MDM2: variants seen among roughly 807,000 people sequenced by gnomAD.
The protein encoded by MDM2 is MDM2 proto-oncogene.
MDM2 carries 11 observed loss-of-function variants against 64.3 expected under a neutral mutation model. The observed-to-expected ratio is 0.17, with a 90% CI of 0.11 to 0.28. The LOEUF (loss-of-function observed/expected upper bound fraction) is 0.28, where lower values mean the gene tolerates loss of function less well. MDM2 is among the 10% of genes least tolerant of loss of function. The pLI, the probability that MDM2 is intolerant of heterozygous loss-of-function variation, is 1.00. For synonymous variants in MDM2, 194 were observed against 192.9 expected, an observed-to-expected ratio of 1.01 and a Z score of -0.05; for missense variants, 388 against 577.1, an observed-to-expected ratio of 0.67 and a Z score of 3.36.
At position 68,845,212 on chromosome 12, in the gene MDM2, A is replaced by G. The variant is rs1884184102; in HGVS notation, c.*5363A>G. On this transcript the variant is annotated 3_prime_UTR_variant, in exon 11 of 11. Transcript: ENST00000258149. ...ATTTTGATTTGATACTTATAAAAAG[A>G]AAAAGTATTTCTTCAGCTTAAAAAA... 1 of 193,094 alleles carries G rather than the reference A, an allele frequency of 5.2e-6. No individual in the cohort carries two copies. The highest frequency in any genetic ancestry group is 9.5e-6 in the Non-Finnish European group (1 of 104,768). 12.0% of individuals were successfully genotyped at this position (193,094 alleles called of 1,614,324 possible).
In MDM2 at chr12:68,808,381, A is replaced by T; in HGVS notation, c.-97A>T. On this transcript the variant is annotated 5_prime_UTR_variant, in exon 1 of 11. It removes an upstream start codon present in the reference 5' UTR. Transcript: ENST00000258149. ...CCAGTGCCCTGGCCCGGAGAGTGGA[A>T]TGATCCCCGAGGCCCAGGGCGTCGT... is the stretch of plus-strand genomic sequence containing the variant. 6.5e-7 allele frequency: 1 copy of T among 1,527,316 alleles called. No individual in the cohort carries two copies. Among genetic ancestry groups the T allele is most frequent in the Non-Finnish European group, 9.1e-7 (1 of 1,104,314 alleles). 94.6% of individuals were successfully genotyped at this position (1,527,316 alleles called of 1,614,324 possible). A position where few individuals can be genotyped will look rare whatever the true frequency, so the allele number is the denominator to read the frequency against.
At chr12:68,830,638 T>A (rs1882719147) in intron 8 of MDM2, among the ~76,000 whole-genome samples, 1 of 152,136 alleles carries the variant, frequency 6.6e-6, no homozygotes, top group Non-Finnish European at 1.5e-5. Flanking sequence ...GTGATAAAAT[T>A]GAATCCAATT....
At chr12:68,817,762 A>T (rs1387523009) in intron 4 of MDM2, among the ~76,000 whole-genome samples, 4 of 151,672 alleles carry the variant, frequency 2.6e-5, no homozygotes, top group Non-Finnish European at 5.9e-5. Flanking sequence ...TGAAAAAAAA[A>T]TTTTTTTAAT....
intron 4 of MDM2, among the ~76,000 whole-genome samples, chr12:68,819,565 C>T (rs1397385321): frequency 6.6e-6 from 1 of 152,184 alleles, no homozygotes; most frequent in East Asian, 1.9e-4. Flanking sequence ...GATCTTGGCT[C>T]ACCGCAACCT....
chr12:68,811,671 C>G (rs920378398), intron 2 of MDM2, among the ~76,000 whole-genome samples: 1 of 134,838 alleles, frequency 7.4e-6, no homozygotes, highest in Non-Finnish European at 1.5e-5. Context: ...GTGGCATGAT[C>G]TCGGCTCACT....
intron 10 of MDM2, among the ~76,000 whole-genome samples, chr12:68,837,477 A>G (rs1883405204): frequency 6.6e-6 from 1 of 151,544 alleles, no homozygotes; most frequent in Non-Finnish European, 1.5e-5. Context: ...CTCCCACCTC[A>G]GCCTCCTGAG....
intron 1 of MDM2, chr12:68,808,993 A>T (rs1051603150): frequency 5.5e-6 from 8 of 1,444,416 alleles, no homozygotes; most frequent in Non-Finnish European, 7.2e-6. Flanking sequence ...AGCTGGGGCT[A>T]TTTAAACCAT....
At chr12:68,849,020 G>A (rs1884516430), downstream of MDM2, 1 of 150,662 alleles carries the variant, frequency 6.6e-6, no homozygotes, top group Non-Finnish European at 1.5e-5. Flanking sequence ...CCAAAGTTAA[G>A]CATTTTTTAA....
At chr12:68,848,752 A>AC (rs1263052397), downstream of MDM2, 7 of 151,558 alleles carry the variant, frequency 4.6e-5, no homozygotes, top group Non-Finnish European at 8.8e-5. Context: ...TCGTTCTGTC[A>AC]CCCAGGCTGG....
intron 8 of MDM2, 113 bp downstream of exon 8, chr12:68,829,044 A>G (rs1257698408): frequency 9.5e-7 from 1 of 1,055,592 alleles, no homozygotes; most frequent in African/African-American, 1.6e-5. Context: ...TTGATAGAAA[A>G]CACAGTGCTA....
At chr12:68,830,089 C>A (rs369796846) in intron 8 of MDM2, among the ~76,000 whole-genome samples, 1 of 151,404 alleles carries the variant, frequency 6.6e-6, no homozygotes, top group East Asian at 1.9e-4. Flanking sequence ...TTTTTCTGCT[C>A]ATCAGCTATT....
intron 7 of MDM2, 65 bp from the exon 8 acceptor site, chr12:68,828,706 A>G (rs1459183491): frequency 6.9e-7 from 1 of 1,440,076 alleles, no homozygotes; most frequent in East Asian, 2.3e-5. Flanking sequence ...ACAAATAGGT[A>G]CTCAAAACAG....
At chr12:68,837,427 A>G (rs931987940) in intron 10 of MDM2, among the ~76,000 whole-genome samples, 2 of 148,618 alleles carry the variant, frequency 1.3e-5, no homozygotes, top group African/African-American at 5.0e-5. Context: ...TGATGTGATC[A>G]TGGCTCACTG....
At chr12:68,815,378 G>A (rs1881264284) in intron 3 of MDM2, among the ~76,000 whole-genome samples, 1 of 151,028 alleles carries the variant, frequency 6.6e-6, no homozygotes, top group Admixed American at 6.6e-5. Flanking sequence ...GCTAGTATGG[G>A]TAGTAAAAAG....
intron 8 of MDM2, among the ~76,000 whole-genome samples, chr12:68,830,944 G>C (rs990416308): frequency 6.6e-6 from 1 of 152,106 alleles, no homozygotes; most frequent in African/African-American, 2.4e-5. Context: ...CAAGTGATCT[G>C]CCTGCCTTGG....
At chr12:68,822,152 G>A (rs960929484) in intron 5 of MDM2, among the ~76,000 whole-genome samples, 6 of 152,140 alleles carry the variant, frequency 3.9e-5, no homozygotes, top group African/African-American at 1.4e-4. Flanking sequence ...GCGTCTGGCT[G>A]TTGCACTTGT....
At chr12:68,814,322 G>A (rs1881165741) in intron 3 of MDM2, among the ~76,000 whole-genome samples, 1 of 152,176 alleles carries the variant, frequency 6.6e-6, no homozygotes, top group African/African-American at 2.4e-5. Flanking sequence ...CCAAAATGCT[G>A]GGATTATAGG....
In MDM2 at chr12:68,816,126, T is replaced by C. The variant is rs373668239; in HGVS notation, c.175-686T>C. ...GAGGTTTATAGTATTTATGACTATTTACTAAGTGGCTCCAGACCACTGCCA... is the reference window on the plus strand; with the variant it reads ...GAGGTTTATAGTATTTATGACTATTCACTAAGTGGCTCCAGACCACTGCCA... On this transcript the variant is annotated intron_variant, in intron 3 of 10. Coordinates refer to ENST00000258149, the MANE Select transcript of MDM2 (RefSeq NM_002392.6). Among the ~76,000 whole-genome samples the C allele has an allele frequency of 1.1e-4, 17 of 152,306 alleles. No individual in the cohort carries two copies. In the East Asian group the frequency reaches 2.7e-3, roughly 24 times the overall value.
intron 8 of MDM2, among the ~76,000 whole-genome samples, chr12:68,833,172 A>G (rs1460111311): frequency 7.8e-6 from 1 of 128,808 alleles, no homozygotes; most frequent in Admixed American, 8.8e-5. Context: ...ATATATTTAT[A>G]TTTAAATAAT....
Sources: gnomAD v4.1 joint callset for allele counts (sites outside exome capture counted in the v4.1 genomes callset) on GRCh38, gnomAD v4.1.1 for gene constraint, MANE v1.5 for transcripts, NCBI Gene and HGNC (gene_info 2026-07-23, HGNC 2026-07-21) for gene names.